The following CIRSR variants were observed in gnomAD, a reference collection of about 807,000 sequenced individuals.
The protein encoded by CIRSR is CBF1 (RBPJ) interacting corepressor 1.
At chr2:174,388,549 A>C in the CIRSR span, among the ~76,000 whole-genome samples, 1 of 152,168 alleles carries the variant, frequency 6.6e-6, no homozygotes, top group African/African-American at 2.4e-5. Flanking sequence ...CTGTATTTAT[A>C]GTTTAAATTA....
the CIRSR span, among the ~76,000 whole-genome samples, chr2:174,391,401 C>T: frequency 4.6e-5 from 7 of 152,212 alleles, no homozygotes; most frequent in South Asian, 1.5e-3. Context: ...ACCAGCCTGG[C>T]CAACATGGTG....
chr2:174,362,591 G>A, the CIRSR span, among the ~76,000 whole-genome samples: 2 of 146,270 alleles, frequency 1.4e-5, no homozygotes, highest in East Asian at 4.1e-4. Context: ...GCTGAGGCAG[G>A]AGAATGGCAT....
the CIRSR span, chr2:174,349,118 CTT>C: frequency 6.6e-7 from 1 of 1,505,924 alleles, no homozygotes; most frequent in Non-Finnish European, 8.8e-7. Flanking sequence ...TCTTCTGAAA[CTT>C]TTTCTTTTTT....
the CIRSR span, among the ~76,000 whole-genome samples, chr2:174,393,773 G>GTA: frequency 2.0e-5 from 3 of 150,230 alleles, no homozygotes; most frequent in African/African-American, 7.4e-5. Flanking sequence ...TTGGTGACAA[G>GTA]TATATCCCTG....
At chr2:174,387,557 C>T in the CIRSR span, 1 of 994,372 alleles carries the variant, frequency 1.0e-6, no homozygotes, top group Non-Finnish European at 1.4e-6. Context: ...AGATAGCCCT[C>T]ACGGAAAGAC....
At chr2:174,363,688 T>C in the CIRSR span, among the ~76,000 whole-genome samples, 2 of 152,160 alleles carry the variant, frequency 1.3e-5, no homozygotes, top group African/African-American at 2.4e-5. Flanking sequence ...AGTCATGTCT[T>C]ACATGGATGG....
At chr2:174,368,164 T>C in the CIRSR span, among the ~76,000 whole-genome samples, 107,473 of 152,038 alleles carry the variant, frequency 0.71, 38,476 homozygotes, top group South Asian at 0.84. Flanking sequence ...ACTGACAGAT[T>C]CAGCAAGCAG....
the CIRSR span, among the ~76,000 whole-genome samples, chr2:174,373,954 G>A: frequency 3.9e-5 from 6 of 152,082 alleles, no homozygotes; most frequent in African/African-American, 1.4e-4. Flanking sequence ...CTTTCAGATC[G>A]TGAACGTCAT....
the CIRSR span, chr2:174,351,525 A>T: frequency 1.0e-6 from 1 of 983,770 alleles, no homozygotes; most frequent in South Asian, 1.5e-5. Flanking sequence ...TTTCCTATGG[A>T]TATATGCATA....
At chr2:174,372,578 T>TATTAGATATC in the CIRSR span, among the ~76,000 whole-genome samples, 1 of 152,180 alleles carries the variant, frequency 6.6e-6, no homozygotes, top group African/African-American at 2.4e-5. Flanking sequence ...AATATCATTT[T>TATTAGATATC]ATTAGATATC....
At chr2:174,374,367 C>T in the CIRSR span, among the ~76,000 whole-genome samples, 1 of 152,102 alleles carries the variant, frequency 6.6e-6, no homozygotes, top group East Asian at 1.9e-4. Context: ...ACTTTGTTTT[C>T]CTGACTAGGT....
chr2:174,378,920 T>C, the CIRSR span: 114 of 1,594,186 alleles, frequency 7.2e-5, no homozygotes, highest in Non-Finnish European at 9.2e-5. Flanking sequence ...GTCTAGTGCC[T>C]ACCTGAGCCA....
At chr2:174,382,871 AAAG>A in the CIRSR span, among the ~76,000 whole-genome samples, 4 of 152,340 alleles carry the variant, frequency 2.6e-5, no homozygotes, top group South Asian at 4.1e-4. Context: ...TAAAAATAAT[AAAG>A]AAGGAGGCTA....
the CIRSR span, among the ~76,000 whole-genome samples, chr2:174,365,077 T>C: frequency 6.6e-6 from 1 of 152,178 alleles, no homozygotes; most frequent in Non-Finnish European, 1.5e-5. Flanking sequence ...ATGTTTTTAA[T>C]AGCACCCACG....
the CIRSR span, among the ~76,000 whole-genome samples, chr2:174,374,424 T>G: frequency 1.3e-5 from 2 of 152,222 alleles, no homozygotes; most frequent in East Asian, 1.9e-4. Context: ...CTGATTAGAT[T>G]GTAAATCAGG....
chr2:174,380,325 A>C, the CIRSR span: 190 of 1,052,188 alleles, frequency 1.8e-4, 4 homozygotes, highest in South Asian at 2.4e-3. Context: ...AATCAGAAAA[A>C]TAGTTTTACA....
At chr2:174,348,769 T>C in the CIRSR span, 1 of 1,614,182 alleles carries the variant, frequency 6.2e-7, no homozygotes, top group Admixed American at 1.7e-5. Flanking sequence ...TGTTTATGGG[T>C]TCTGGACTTT....
At chr2:174,381,620 G>T in the CIRSR span, 1 of 976,262 alleles carries the variant, frequency 1.0e-6, no homozygotes, top group Non-Finnish European at 1.5e-6. Flanking sequence ...TGGCACCACT[G>T]CACTCCAGCC....
the CIRSR span, among the ~76,000 whole-genome samples, chr2:174,370,631 C>T: frequency 1.3e-5 from 2 of 152,136 alleles, no homozygotes; most frequent in African/African-American, 2.4e-5. Context: ...ATACATTCTA[C>T]GGGCTGGGCA....
Sources: gnomAD v4.1 joint callset for allele counts (sites outside exome capture counted in the v4.1 genomes callset) on GRCh38, gnomAD v4.1.1 for gene constraint, MANE v1.5 for transcripts, NCBI Gene and HGNC (gene_info 2026-07-23, HGNC 2026-07-21) for gene names.